The following NIPSNAP3B variants were observed in gnomAD, a reference collection of about 807,000 sequenced individuals.
NIPSNAP3B encodes the protein nipsnap homolog 3B.
A neutral mutation model predicts 31.5 loss-of-function variants in NIPSNAP3B; 30 were observed. That is an observed-to-expected ratio of 0.95 (90% confidence interval 0.71 to 1.29). The LOEUF (loss-of-function observed/expected upper bound fraction) is 1.29, where lower values mean the gene tolerates loss of function less well. Ranked by LOEUF, NIPSNAP3B falls within the 50% of genes most tolerant of loss-of-function variation. NIPSNAP3B has a pLI of 0.00. For missense variants in NIPSNAP3B, 269 were observed against 300.7 expected (o/e 0.89, Z 0.78); for synonymous variants, 106 against 107.9 (o/e 0.98, Z 0.11).
At chr9:104,789,603 G>A in the NIPSNAP3B span, among the ~76,000 whole-genome samples, 15 of 152,080 alleles carry the variant, frequency 9.9e-5, no homozygotes, top group Non-Finnish European at 1.5e-4. Flanking sequence ...TTTTAATGAC[G>A]CAGTATAAGG....
chr9:104,773,893 G>A lies in NIPSNAP3B; in HGVS notation c.*820G>A, dbSNP rs549720789. On this transcript the variant is annotated 3_prime_UTR_variant, in exon 6 of 6. Transcript: ENST00000374762. Reference sequence around the variant, plus strand: ...TACTTATATGATCTCTAAAGCTCTTGCTATGTTGCTATAAGACAGTAATAT... The same window carrying A: ...TACTTATATGATCTCTAAAGCTCTTACTATGTTGCTATAAGACAGTAATAT... 29 of 152,082 alleles carry A rather than the reference G, an allele frequency of 1.9e-4. 1 individual carries two copies. Among genetic ancestry groups the A allele is most frequent in the South Asian group, 1.7e-3 (8 of 4,816 alleles). The allele number at this position is 152,082 out of a possible 1,614,324, so 9.4% of individuals were successfully genotyped here.
At chr9:104,789,751 T>C in the NIPSNAP3B span, among the ~76,000 whole-genome samples, 1 of 149,680 alleles carries the variant, frequency 6.7e-6, no homozygotes, top group Non-Finnish European at 1.5e-5. Context: ...ACAACGGTCA[T>C]GGTCAAAAAA....
the NIPSNAP3B span, chr9:104,784,432 G>C: frequency 6.2e-7 from 1 of 1,613,982 alleles, no homozygotes; most frequent in Non-Finnish European, 8.5e-7. Context: ...CATCACTTTG[G>C]TCCTTGGCAA....
chr9:104,788,966 A>T, the NIPSNAP3B span, among the ~76,000 whole-genome samples: 1 of 152,192 alleles, frequency 6.6e-6, no homozygotes, highest in Admixed American at 6.5e-5. Context: ...AAGGCCCAGA[A>T]ATTTTGAGTG....
the NIPSNAP3B span, among the ~76,000 whole-genome samples, chr9:104,789,155 T>C: frequency 1.3e-5 from 2 of 152,338 alleles, no homozygotes; most frequent in South Asian, 2.1e-4. Flanking sequence ...GCAGCATTCA[T>C]TCCTCTCTGT....
At chr9:104,767,762 G>A (rs1258051610) in intron 2 of NIPSNAP3B, among the ~76,000 whole-genome samples, 5 of 152,062 alleles carry the variant, frequency 3.3e-5, no homozygotes, top group Admixed American at 2.0e-4. Context: ...TAAACTGCTC[G>A]TAAAGTCTTT....
the NIPSNAP3B span, chr9:104,785,737 G>A: frequency 6.5e-5 from 97 of 1,482,390 alleles, no homozygotes; most frequent in East Asian, 4.5e-4. Flanking sequence ...GAAAAAGGGC[G>A]GCCCCTGGCA....
chr9:104,772,544 A>C (rs910598168), intron 4 of NIPSNAP3B, among the ~76,000 whole-genome samples: 7 of 152,094 alleles, frequency 4.6e-5, no homozygotes, highest in African/African-American at 1.2e-4. Context: ...TTTTTTAAAA[A>C]ATAAAACATA....
chr9:104,778,771 A>G (rs955311550), downstream of NIPSNAP3B, among the ~76,000 whole-genome samples: 12 of 152,306 alleles, frequency 7.9e-5, no homozygotes, highest in African/African-American at 2.9e-4. Flanking sequence ...TCAATCCACC[A>G]TTATCTATTA....
downstream of NIPSNAP3B, among the ~76,000 whole-genome samples, chr9:104,780,157 T>C (rs1448483744): frequency 6.6e-6 from 1 of 152,282 alleles, no homozygotes; most frequent in Non-Finnish European, 1.5e-5. Flanking sequence ...AACAGTGTTC[T>C]ATGATTTCAT....
chr9:104,764,808 A>C (rs1242098996), intron 1 of NIPSNAP3B, among the ~76,000 whole-genome samples: 5 of 152,066 alleles, frequency 3.3e-5, no homozygotes, highest in Non-Finnish European at 7.4e-5. Context: ...TGGCCTCCCA[A>C]AGTGCTGGAT....
chr9:104,790,758 T>C, the NIPSNAP3B span, among the ~76,000 whole-genome samples: 1 of 152,242 alleles, frequency 6.6e-6, no homozygotes, highest in African/African-American at 2.4e-5. Flanking sequence ...TATCTCTAGA[T>C]ATTGAAATCA....
At position 104,766,369 on chromosome 9, in the gene NIPSNAP3B, G is replaced by A. The variant is rs117167547; in HGVS notation, c.105G>A (p.Thr35=). ...FATGPRQYDG[T]FYEFRTYYLK... is the part of the protein sequence containing the mutation. ...CGGGCCCTAGACAATACGATGGAAC[G>A]TTCTATGAATTTCGTACTTATTACC... Residue 35 remains threonine, a synonymous_variant, in exon 2 of 6, where the codon ACG becomes ACA. Coordinates refer to ENST00000374762, the MANE Select transcript of NIPSNAP3B (RefSeq NM_018376.4). 8.4e-5 allele frequency: 135 copies of A among 1,613,708 alleles called. No individual in the cohort carries two copies. The highest frequency in any genetic ancestry group is 1.1e-4 in the Non-Finnish European group (129 of 1,179,706).
At chr9:104,780,902 C>G (rs2118821107), downstream of NIPSNAP3B, 1 of 152,698 alleles carries the variant, frequency 6.5e-6, no homozygotes, top group African/African-American at 2.4e-5. Context: ...TGAATCTTTT[C>G]TAAAGTTTTT....
At chr9:104,768,616 GAA>G (rs1178177337) in intron 2 of NIPSNAP3B, among the ~76,000 whole-genome samples, 3 of 152,094 alleles carry the variant, frequency 2.0e-5, no homozygotes, top group Non-Finnish European at 4.4e-5. Flanking sequence ...AACTTCCTAA[GAA>G]AGTCTTAGAG....
intron 2 of NIPSNAP3B, among the ~76,000 whole-genome samples, chr9:104,768,016 A>T (rs1195571605): frequency 6.6e-6 from 1 of 152,148 alleles, no homozygotes; most frequent in Non-Finnish European, 1.5e-5. Context: ...ACTTTAAAGC[A>T]TCTCTAGATT....
chr9:104,766,536 G>C lies in NIPSNAP3B; in HGVS notation c.271+1G>C. Reference sequence around the variant, plus strand: ...AAAGTGTTTCATATTTGGAAGTATGGTAAAGAGTCATCCAGTTTTAGTATT... The same window carrying C: ...AAAGTGTTTCATATTTGGAAGTATGCTAAAGAGTCATCCAGTTTTAGTATT... On this transcript the variant is annotated splice_donor_variant, in intron 2 of 5. Coordinates refer to ENST00000374762, the MANE Select transcript of NIPSNAP3B (RefSeq NM_018376.4). LOFTEE classifies it high-confidence loss of function. 1 of 1,611,358 alleles carries C rather than the reference G, an allele frequency of 6.2e-7. No homozygotes were observed. Among genetic ancestry groups the C allele is most frequent in the Non-Finnish European group, 8.5e-7 (1 of 1,178,142 alleles).
the NIPSNAP3B span, among the ~76,000 whole-genome samples, chr9:104,789,026 T>C: frequency 5.3e-5 from 8 of 152,298 alleles, no homozygotes; most frequent in Non-Finnish European, 1.0e-4. Context: ...TGGGGTGGCT[T>C]TGGGGTTCTA....
intron 1 of NIPSNAP3B, among the ~76,000 whole-genome samples, chr9:104,765,003 A>T (rs1276719384): frequency 2.0e-5 from 3 of 152,216 alleles, no homozygotes; most frequent in African/African-American, 7.2e-5. Flanking sequence ...ATTTTCCGAG[A>T]TAATAATATT....
Sources: gnomAD v4.1 joint callset for allele counts (sites outside exome capture counted in the v4.1 genomes callset) on GRCh38, gnomAD v4.1.1 for gene constraint, MANE v1.5 for transcripts, NCBI Gene and HGNC (gene_info 2026-07-23, HGNC 2026-07-21) for gene names.